STARD9: variants seen among roughly 807,000 people sequenced by gnomAD.
STARD9 encodes stAR-related lipid transfer protein 9.
A neutral mutation model predicts 399.8 loss-of-function variants in STARD9; 346 were observed. That is an observed-to-expected ratio of 0.87 (90% CI 0.79 to 0.95). The LOEUF (loss-of-function observed/expected upper bound fraction) is 0.95, where lower values mean the gene tolerates loss of function less well. Among genes scored for constraint, STARD9 ranks in the 40% least tolerant of loss-of-function variants. The probability of loss-of-function intolerance (pLI) is 0.00; values close to 1 mark genes in which losing one functional copy is unlikely to be tolerated. For synonymous variants in STARD9, 2,203 were observed against 2,143.5 expected (o/e 1.03, Z -0.77); for missense variants, 5,832 against 5,667.5 (o/e 1.03, Z -0.93).
rs2060626637 is a variant in STARD9 at position 42,689,000 on chromosome 15, AAG to A, written c.7425_7426del (p.Arg2475SerfsTer9). The A allele has an allele frequency of 6.5e-7, 1 of 1,537,300 alleles. No homozygotes were observed. Among genetic ancestry groups the A allele is most frequent in the Non-Finnish European group, 8.7e-7 (1 of 1,146,914 alleles). ...CCGAGGTGGCTGTACAAAAAGAAATAAGAGTCAGTTCACTGAACAAGGTCTCT... is the reference window on the plus strand; with the variant it reads ...CCGAGGTGGCTGTACAAAAAGAAATAAGTCAGTTCACTGAACAAGGTCTCT... ...EAEVAVQKEI[R>X]VSSLNKVSSQ... On this transcript the variant is annotated frameshift_variant, in exon 23 of 33. Coordinates refer to ENST00000290607, the MANE Select transcript of STARD9 (RefSeq NM_020759.3). LOFTEE classifies it high-confidence loss of function.
intron 7 of STARD9, among the ~76,000 whole-genome samples, chr15:42,647,093 C>A (rs1043337229): frequency 7.9e-5 from 12 of 152,138 alleles, no homozygotes; most frequent in Non-Finnish European, 1.5e-4. Context: ...CACAGATCAT[C>A]ATAACAGATA....
At chr15:42,683,713 C>A (rs527868055) in intron 22 of STARD9, among the ~76,000 whole-genome samples, 6 of 152,074 alleles carry the variant, frequency 3.9e-5, no homozygotes, top group Non-Finnish European at 7.4e-5. Context: ...TTTAATCATT[C>A]TTCTTGTTTT....
At chr15:42,717,490 G>A (rs1822493044) in intron 28 of STARD9, among the ~76,000 whole-genome samples, 2 of 151,912 alleles carry the variant, frequency 1.3e-5, no homozygotes. Flanking sequence ...GCTGGGTGTG[G>A]TGGTGTGTAC....
rs538354557 is a variant in STARD9, at chr15:42,694,342, G to A, written c.12764G>A (p.Arg4255Gln). Residue 4255 changes from arginine (R) to glutamine (Q), a missense_variant and splice_region_variant, in exon 23 of 33, where the codon CGG becomes CAG. Arg to Gln is a conservative substitution (Grantham distance 43). Transcript: ENST00000290607. ...TCCACCTGGAAGGAGCTCTATGCACGGTAAGGACCCCCAGCCTGGAGTCGG... is the reference window on the plus strand; with the variant it reads ...TCCACCTGGAAGGAGCTCTATGCACAGTAAGGACCCCCAGCCTGGAGTCGG... ...VTSTWKELYA[R>Q]QKKAIETLRR... 124 of 1,530,654 alleles carry A rather than the reference G, an allele frequency of 8.1e-5. No individual in the cohort carries two copies. The highest frequency in any genetic ancestry group is 1.2e-4 in the African/African-American group (9 of 72,974). The allele number at this position is 1,530,654 out of a possible 1,614,324, so 94.8% of individuals were successfully genotyped here.
chr15:42,603,368 G>A (rs2058667568), intron 3 of STARD9, among the ~76,000 whole-genome samples: 1 of 151,932 alleles, frequency 6.6e-6, no homozygotes, highest in South Asian at 2.1e-4. Flanking sequence ...GATCCTCTCA[G>A]CCTCCCAAAG....
intron 3 of STARD9, among the ~76,000 whole-genome samples, chr15:42,593,780 C>G (rs1219281671): frequency 6.8e-6 from 1 of 146,942 alleles, no homozygotes; most frequent in Admixed American, 7.0e-5. Flanking sequence ...TCTCCTGTCT[C>G]AGCCTCCTGA....
At position 42,692,116 on chromosome 15, in the gene STARD9, G is replaced by A. The variant is rs566596400; in HGVS notation, c.10538G>A (p.Ser3513Asn). 6.5e-7 allele frequency: 1 copy of A among 1,537,182 alleles called. No homozygotes were observed. Among genetic ancestry groups the A allele is most frequent in the Admixed American group, 2.0e-5 (1 of 50,998 alleles). Residue 3513 changes from serine to asparagine, a missense_variant, in exon 23 of 33, where the codon AGC becomes AAC. Transcript: ENST00000290607. ...CTATCAAATGTGGCCCGGTGCTCCA[G>A]CATGGACAATGGCCTAGAAGACCAG... ...LTLSNVARCS[S>N]MDNGLEDQNS...
chr15:42,589,607 C>CT (rs754803358), intron 3 of STARD9, among the ~76,000 whole-genome samples: 195 of 140,126 alleles, frequency 1.4e-3, no homozygotes, highest in African/African-American at 1.9e-3. Context: ...TGAGATTCAT[C>CT]TTTTTTTTTT....
chr15:42,607,001 G>T (rs1313863223), intron 3 of STARD9, among the ~76,000 whole-genome samples: 1 of 150,884 alleles, frequency 6.6e-6, no homozygotes. Context: ...AGGCTGGAGT[G>T]CAGTGGCGTG....
Position 42,684,540 on chromosome 15 carries a change from G to C in STARD9, c.2962G>C (p.Ala988Pro), listed in dbSNP as rs1328270783. ...ACTAGCAGACCCTAGCCACACACAA[G>C]CTGGGTGGCGAAAAGAAGGGAACCT... Reference protein sequence around the residue: ...KGLADPSHTQAGWRKEGNLGT... With the variant: ...KGLADPSHTQPGWRKEGNLGT... Residue 988 changes from alanine (A) to proline (P), a missense_variant, in exon 23 of 33, where the codon GCT (alanine) becomes CCT (proline). This residue lies in a region of STARD9 where 5,828 missense variants were observed against 5,651.1 expected (regional missense o/e 1.03). Transcript: ENST00000290607. The C allele has an allele frequency of 5.9e-6, 9 of 1,537,128 alleles. No individual in the cohort carries two copies. Among genetic ancestry groups the C allele is most frequent in the Non-Finnish European group, 7.8e-6 (9 of 1,146,924 alleles).
intron 26 of STARD9, among the ~76,000 whole-genome samples, chr15:42,699,392 C>CTTTTTCTTTTTTTTTTTTTTTTTTTTT (rs2060912049): frequency 8.8e-6 from 1 of 113,280 alleles, no homozygotes; most frequent in African/African-American, 4.1e-5. Flanking sequence ...TTTTTCTTTT[C>CTTTTTCTTTTTTTTTTTTTTTTTTTTT]TTTTTTTTTT....
intron 16 of STARD9, chr15:42,672,562 G>C (rs2060223307): frequency 6.6e-6 from 1 of 152,308 alleles, no homozygotes; most frequent in Non-Finnish European, 1.5e-5. Flanking sequence ...CTGTTTGACA[G>C]TGTTTGTGGA....
intron 3 of STARD9, among the ~76,000 whole-genome samples, chr15:42,618,402 G>A (rs1479597393): frequency 6.6e-6 from 1 of 152,046 alleles, no homozygotes; most frequent in South Asian, 2.1e-4. Context: ...CAAAGTGCTA[G>A]GATTACAGGC....
At chr15:42,704,049 AG>A (rs1182873657) in intron 26 of STARD9, among the ~76,000 whole-genome samples, 2 of 152,038 alleles carry the variant, frequency 1.3e-5, no homozygotes, top group African/African-American at 4.8e-5. Flanking sequence ...CTGGGATTAC[AG>A]GCACCTGACA....
chr15:42,691,004 C>T lies in STARD9; in HGVS notation c.9426C>T (p.His3142=). The T allele has an allele frequency of 6.5e-7, 1 of 1,537,238 alleles. No homozygotes were observed. Among genetic ancestry groups the T allele is most frequent in the Non-Finnish European group, 8.7e-7 (1 of 1,146,906 alleles). ...CACCTGCAACAACTCAGGGACCACACACCCTGGATTTAAGTGAAGGGTCTG... is the reference window on the plus strand; with the variant it reads ...CACCTGCAACAACTCAGGGACCACATACCCTGGATTTAAGTGAAGGGTCTG... The part of the protein sequence containing the change: ...PEPPATTQGP[H]TLDLSEGSAE... Residue 3142 remains histidine (H), a synonymous_variant, in exon 23 of 33, where the codon CAC becomes CAT. Coordinates refer to ENST00000290607, the MANE Select transcript of STARD9 (RefSeq NM_020759.3).
At chr15:42,658,098 A>G (rs945530627) in intron 9 of STARD9, among the ~76,000 whole-genome samples, 1 of 152,226 alleles carries the variant, frequency 6.6e-6, no homozygotes, top group African/African-American at 2.4e-5. Context: ...CAAATTGAAC[A>G]GAAGTACAAA....
intron 7 of STARD9, among the ~76,000 whole-genome samples, chr15:42,649,694 G>A (rs893554878): frequency 2.0e-5 from 3 of 151,394 alleles, no homozygotes; most frequent in African/African-American, 7.3e-5. Flanking sequence ...TGAGTAGCTT[G>A]GACTATAGGC....
rs187423927 is a variant in STARD9, at chr15:42,579,010, A to G, written c.47+3248A>G. Among the ~76,000 whole-genome samples, 102 of 152,334 alleles carry G rather than the reference A, an allele frequency of 6.7e-4. 2 individuals are homozygous for G. The East Asian group carries it at 0.017, about 26-fold the overall frequency. Reference sequence around the variant, plus strand: ...ATCTGATTTCTTACTAAGAAAGTTCAGGGCACCAAATCCAACCAGAAATTC... The same window carrying G: ...ATCTGATTTCTTACTAAGAAAGTTCGGGGCACCAAATCCAACCAGAAATTC... On this transcript the variant is annotated intron_variant, in intron 1 of 32. Coordinates refer to ENST00000290607, the MANE Select transcript of STARD9 (RefSeq NM_020759.3).
At position 42,688,549 on chromosome 15, in the gene STARD9, C is replaced by T; in HGVS notation, c.6971C>T (p.Thr2324Ile). Reference sequence around the variant, plus strand: ...TTACTAAGCCGGACAGAATTCTGTACAGCTCCTCTTCACCAAGACCTGAGT... The same window carrying T: ...TTACTAAGCCGGACAGAATTCTGTATAGCTCCTCTTCACCAAGACCTGAGT... ...SPLLSRTEFC[T>I]APLHQDLSNT... Residue 2324 changes from threonine (T) to isoleucine (I), a missense_variant, in exon 23 of 33, where the codon ACA becomes ATA. By Grantham distance (89) the Thr-to-Ile change is moderately conservative. Around this residue, in one of 2 missense-constraint regions of STARD9, gnomAD observed 5,828 missense variants for 5,651.1 expected, o/e 1.03. Coordinates refer to ENST00000290607, the MANE Select transcript of STARD9 (RefSeq NM_020759.3). 1 of 1,537,834 alleles carries T rather than the reference C, an allele frequency of 6.5e-7. No individual in the cohort carries two copies. The highest frequency in any genetic ancestry group is 2.4e-5 in the East Asian group (1 of 40,926).
Sources: allele counts gnomAD v4.1 joint callset (sites outside exome capture counted in the v4.1 genomes callset), GRCh38; gene constraint gnomAD v4.1.1; regional missense constraint gnomAD v4.1.1; transcripts MANE v1.5; gene names NCBI Gene and HGNC (gene_info 2026-07-23, HGNC 2026-07-21).